MED31: variants seen among roughly 807,000 people sequenced by gnomAD.
The protein encoded by MED31 is mediator of RNA polymerase II transcription subunit 31.
MED31 carries 11 observed loss-of-function variants against 22.0 expected under a neutral mutation model. That is an observed-to-expected ratio of 0.50 (90% confidence interval 0.31 to 0.83). The LOEUF (loss-of-function observed/expected upper bound fraction) is 0.83. MED31 is among the 40% of genes least tolerant of loss of function. The pLI, the probability that MED31 is intolerant of heterozygous loss-of-function variation, is 0.04. For missense variants in MED31, 122 were observed against 155.3 expected (o/e 0.79, Z 1.14); for synonymous variants, 60 against 55.1 (o/e 1.09, Z -0.40).
intron 3 of MED31, among the ~76,000 whole-genome samples, chr17:6,645,698 A>C (rs1166987459): frequency 2.0e-5 from 3 of 152,214 alleles, no homozygotes; most frequent in Non-Finnish European, 4.4e-5. Flanking sequence ...AAATGGATGT[A>C]AATTTCTTTA....
chr17:6,644,319 AT>A lies in MED31; in HGVS notation c.*147del, dbSNP rs1972736637. 1 of 834,696 alleles carries A rather than the reference AT, an allele frequency of 1.2e-6. No homozygotes were observed. Among genetic ancestry groups the A allele is most frequent in the South Asian group, 2.9e-5 (1 of 33,912 alleles). The allele number at this position is 834,696 out of a possible 1,614,324, so 51.7% of individuals were successfully genotyped here. ...GTTTAACAGAAATAGTCTATTAACAATAAAAAGTTGGATGAAAAAGCACACT... is the reference window on the plus strand; with the variant it reads ...GTTTAACAGAAATAGTCTATTAACAAAAAAAGTTGGATGAAAAAGCACACT... On this transcript the variant is annotated 3_prime_UTR_variant, in exon 4 of 4. Transcript: ENST00000225728.
intron 3 of MED31, among the ~76,000 whole-genome samples, 153 bp from the exon 4 acceptor site, chr17:6,644,812 T>G (rs1484590149): frequency 6.6e-6 from 1 of 152,220 alleles, no homozygotes; most frequent in African/African-American, 2.4e-5. Context: ...TTTCCCCGAT[T>G]AGTCATCAAA....
intron 3 of MED31, among the ~76,000 whole-genome samples, chr17:6,649,679 G>C (rs542260999): frequency 6.6e-6 from 1 of 152,322 alleles, no homozygotes; most frequent in Non-Finnish European, 1.5e-5. Context: ...AAGGTTCTAA[G>C]CAAGAAAGTA....
In MED31 at chr17:6,651,120, C is replaced by CAAAA. The variant is rs57965628; in HGVS notation, c.28+377_28+380dup. ...TGGGCGACAGAGCCAGACGCTGTCT[C>CAAAA]AAAAAAAAAAAAAAAAAGAAGCACC... is the stretch of plus-strand genomic sequence containing the variant. On this transcript the variant is annotated intron_variant, in intron 1 of 3. Coordinates refer to ENST00000225728, the MANE Select transcript of MED31 (RefSeq NM_016060.3). 1.5e-3 allele frequency among the ~76,000 whole-genome samples: 73 copies of CAAAA among 49,060 alleles called. 8 individuals carry two copies. The highest frequency in any genetic ancestry group is 4.8e-3 in the East Asian group (10 of 2,064). 32.2% of individuals were successfully genotyped at this position (49,060 alleles called of 152,430 possible).
At position 6,643,947 on chromosome 17, in the gene MED31, T is replaced by A. The variant is rs1421688391; in HGVS notation, c.*520A>T. Reference sequence around the variant, plus strand: ...TCTTAAAGCCACCTTGCAAAGCAGGTAATACAGTTATTTCCTGTCCTGCAG... The same window carrying A: ...TCTTAAAGCCACCTTGCAAAGCAGGAAATACAGTTATTTCCTGTCCTGCAG... On this transcript the variant is annotated 3_prime_UTR_variant, in exon 4 of 4. Transcript: ENST00000225728. 4 of 396,160 alleles carry A rather than the reference T, an allele frequency of 1.0e-5. No homozygotes were observed. Among genetic ancestry groups the A allele is most frequent in the African/African-American group, 2.1e-5 (1 of 48,586 alleles). 24.5% of individuals were successfully genotyped at this position (396,160 alleles called of 1,614,324 possible).
chr17:6,646,825 AAG>A (rs1232769759), intron 3 of MED31, among the ~76,000 whole-genome samples: 1 of 152,202 alleles, frequency 6.6e-6, no homozygotes, highest in Non-Finnish European at 1.5e-5. Context: ...GGAGTAGTGA[AAG>A]AGGGAGGCCT....
intron 3 of MED31, among the ~76,000 whole-genome samples, chr17:6,645,301 T>C (rs536615873): frequency 1.1e-4 from 16 of 152,330 alleles, no homozygotes; most frequent in African/African-American, 2.2e-4. Flanking sequence ...GCTTTTAATA[T>C]AGACATAGAA....
At chr17:6,647,903 A>G (rs930175119) in intron 3 of MED31, among the ~76,000 whole-genome samples, 8 of 152,260 alleles carry the variant, frequency 5.3e-5, no homozygotes, top group African/African-American at 1.9e-4. Context: ...TGCAGTGATT[A>G]TATCAGAATA....
At chr17:6,650,707 A>G (rs1972821641) in intron 1 of MED31, among the ~76,000 whole-genome samples, 1 of 152,240 alleles carries the variant, frequency 6.6e-6, no homozygotes, top group South Asian at 2.1e-4. Context: ...GCCACTATGT[A>G]GGAATTTTAA....
In MED31 at chr17:6,651,580, G is replaced by A. The variant is rs376232583; in HGVS notation, c.-52C>T. 310 of 1,611,842 alleles carry A rather than the reference G, an allele frequency of 1.9e-4. 1 individual carries two copies. In the African/African-American group the frequency reaches 3.0e-3, roughly 16 times the overall value. On this transcript the variant is annotated 5_prime_UTR_variant, in exon 1 of 4. Transcript: ENST00000225728. Reference sequence around the variant, plus strand: ...CAGCCTGACAGAGCAAAAGCCCAGAGACGCGGGCGAAGTTCCGGAAACCAC... The same window carrying A: ...CAGCCTGACAGAGCAAAAGCCCAGAAACGCGGGCGAAGTTCCGGAAACCAC...
chr17:6,649,916 T>G (rs1972811140), intron 3 of MED31, 66 bp downstream of exon 3: 1 of 1,403,170 alleles, frequency 7.1e-7, no homozygotes, highest in Non-Finnish European at 9.4e-7. Flanking sequence ...TTTGCCAATG[T>G]GAAACTAAGA....
Position 6,651,497 on chromosome 17 carries a change from T to A in MED31, c.28+4A>T. On this transcript the variant is annotated splice_donor_region_variant and intron_variant, in intron 1 of 3. Transcript: ENST00000225728. ...GAAGACTCCAAGATCAGAGAGCTAC[T>A]CACCTGTCTCCATAGCGACAGCAGC... 26 of 1,614,104 alleles carry A rather than the reference T, an allele frequency of 1.6e-5. No homozygotes were observed. The highest frequency in any genetic ancestry group is 2.1e-5 in the Non-Finnish European group (25 of 1,180,002).
rs1198657392 is a variant in MED31, at chr17:6,651,437, G to A, written c.28+64C>T. 2.5e-6 allele frequency: 4 copies of A among 1,605,642 alleles called. No individual in the cohort carries two copies. In the Admixed American group the frequency reaches 6.8e-5, roughly 27 times the overall value. Reference sequence around the variant, plus strand: ...GAGTAAGGCCTGGAAGGAGGCCACGGGGAAGAGGTCTGGGTCAAGGAGAGT... The same window carrying A: ...GAGTAAGGCCTGGAAGGAGGCCACGAGGAAGAGGTCTGGGTCAAGGAGAGT... On this transcript the variant is annotated intron_variant, in intron 1 of 3. Coordinates refer to ENST00000225728, the MANE Select transcript of MED31 (RefSeq NM_016060.3).
At chr17:6,650,106 T>C in intron 2 of MED31, 28 bp from the exon 3 acceptor site, 3 of 1,549,972 alleles carry the variant, frequency 1.9e-6, no homozygotes, top group South Asian at 1.2e-5. Context: ...AAAAAATCTG[T>C]AGGTCAAACC....
chr17:6,648,457 G>T (rs1254802782), intron 3 of MED31, among the ~76,000 whole-genome samples: 1 of 152,200 alleles, frequency 6.6e-6, no homozygotes, highest in African/African-American at 2.4e-5. Context: ...AGTGACAGCT[G>T]CTCTCAGCTT....
intron 3 of MED31, among the ~76,000 whole-genome samples, chr17:6,647,877 A>G (rs1972784710): frequency 6.6e-6 from 1 of 152,240 alleles, no homozygotes; most frequent in Non-Finnish European, 1.5e-5. Flanking sequence ...TTTAGTCAAT[A>G]ACTAGAATTT....
chr17:6,644,237 A>G lies in MED31; in HGVS notation c.*230T>C. On this transcript the variant is annotated 3_prime_UTR_variant, in exon 4 of 4. Coordinates refer to ENST00000225728, the MANE Select transcript of MED31 (RefSeq NM_016060.3). ...ATTCTTAATCAGCTGATTATGCTAA[A>G]TGCGTAAAAAAGAAAAACACCTTAC... 1 of 534,408 alleles carries G rather than the reference A, an allele frequency of 1.9e-6. No homozygotes were observed. Among genetic ancestry groups the G allele is most frequent in the Middle Eastern group, 5.1e-4 (1 of 1,976 alleles). The allele number at this position is 534,408 out of a possible 1,614,324, so 33.1% of individuals were successfully genotyped here. A position where few individuals can be genotyped will look rare whatever the true frequency, so the allele number is the denominator to read the frequency against.
At chr17:6,645,972 AC>A (rs1244556591) in intron 3 of MED31, among the ~76,000 whole-genome samples, 2 of 152,252 alleles carry the variant, frequency 1.3e-5, no homozygotes, top group African/African-American at 4.8e-5. Context: ...CAACCAAGTT[AC>A]CAAAATTTAC....
chr17:6,649,866 C>T (rs1972810326), intron 3 of MED31, 116 bp downstream of exon 3: 6 of 1,030,370 alleles, frequency 5.8e-6, no homozygotes, highest in Non-Finnish European at 5.3e-6. Context: ...TGTATTAAGA[C>T]GGTGATAACA....
Sources: gnomAD v4.1 joint callset for allele counts (sites outside exome capture counted in the v4.1 genomes callset) on GRCh38, gnomAD v4.1.1 for gene constraint, MANE v1.5 for transcripts, NCBI Gene and HGNC (gene_info 2026-07-23, HGNC 2026-07-21) for gene names.